The following GPATCH2L variants were observed in gnomAD, a reference collection of about 807,000 sequenced individuals.
GPATCH2L encodes the protein G-patch domain containing 2 like, also known as G patch domain-containing protein 2-like.
Under a neutral mutation model 57.4 loss-of-function variants are expected in GPATCH2L, and 31 were observed. The ratio of observed to expected loss-of-function variants is 0.54; its 90% CI spans 0.41 to 0.73. The LOEUF is 0.73. GPATCH2L is among the 30% of genes least tolerant of loss of function. The pLI is 0.00. For missense variants in GPATCH2L, 481 were observed against 599.9 expected, an observed-to-expected ratio of 0.80 and a Z score of 2.07; for synonymous variants, 199 against 210.7, an observed-to-expected ratio of 0.94 and a Z score of 0.48.
chr14:76,171,092 G>T (rs1594934659), intron 3 of GPATCH2L, among the ~76,000 whole-genome samples: 1 of 152,080 alleles, frequency 6.6e-6, no homozygotes, highest in East Asian at 1.9e-4. Context: ...AAACCAGGTT[G>T]GTGTTCCAGT....
At chr14:76,226,524 C>T in intron 1 of GPATCH2L, among the ~76,000 whole-genome samples, 1 of 152,184 alleles carries the variant, frequency 6.6e-6, no homozygotes, top group East Asian at 1.9e-4. Flanking sequence ...TGTGTTCTTG[C>T]TATATCCTGA....
rs2040147245 is a variant in GPATCH2L at position 76,196,260 on chromosome 14, A to G, written c.1288+288A>G. 2.8e-5 allele frequency: 17 copies of G among 610,446 alleles called. No individual in the cohort carries two copies. The South Asian group carries it at 3.4e-4, about 12-fold the overall frequency. The allele number at this position is 610,446 out of a possible 1,614,324, so 37.8% of individuals were successfully genotyped here. A position where few individuals can be genotyped will look rare whatever the true frequency, so the allele number is the denominator to read the frequency against. ...TTTTAGCAGACAGGAAATTAGGTCCATGTTAATGAAAGTCCAGGTGAAGTG... is the reference window on the plus strand; with the variant it reads ...TTTTAGCAGACAGGAAATTAGGTCCGTGTTAATGAAAGTCCAGGTGAAGTG... On this transcript the variant is annotated intron_variant, in intron 9 of 9. Transcript: ENST00000261530.
chr14:76,231,801 T>G (rs2139880757), intron 2 of GPATCH2L, among the ~76,000 whole-genome samples: 1 of 152,332 alleles, frequency 6.6e-6, no homozygotes, highest in Middle Eastern at 3.4e-3. Flanking sequence ...TCTGTGGATG[T>G]TATTCTACAT....
chr14:76,228,203 T>C (rs535328611), intron 1 of GPATCH2L, among the ~76,000 whole-genome samples: 1 of 152,332 alleles, frequency 6.6e-6, no homozygotes, highest in South Asian at 2.1e-4. Flanking sequence ...AAAGTGGTAT[T>C]GTTTCCTCTT....
downstream of GPATCH2L, among the ~76,000 whole-genome samples, chr14:76,217,845 C>A (rs982493807): frequency 1.3e-5 from 2 of 152,094 alleles, no homozygotes; most frequent in African/African-American, 2.4e-5. Context: ...TTCACAGCAA[C>A]CTAATGAGTA....
rs2038198736 is a variant in GPATCH2L at position 76,154,449 on chromosome 14, C to T, written c.86C>T (p.Ala29Val). 6 of 1,613,994 alleles carry T rather than the reference C, an allele frequency of 3.7e-6. No homozygotes were observed. The highest frequency in any genetic ancestry group is 5.1e-6 in the Non-Finnish European group (6 of 1,180,040). The change falls in exon 2 of 10, where the codon GCG becomes GTG. Residue 29 changes from alanine (A) to valine (V), a missense_variant. Coordinates refer to ENST00000261530, the MANE Select transcript of GPATCH2L (RefSeq NM_017926.4). The surrounding 1 kb of genome is among the most constrained non-coding windows in gnomAD (Gnocchi z 4.4). ...NKLGELWEEMALSPRQQRRQL... is the reference protein window; with the variant it reads ...NKLGELWEEMVLSPRQQRRQL... ...CTTGGTGAACTGTGGGAGGAGATGG[C>T]GCTGAGCCCCCGACAGCAGAGGCGG...
intron 1 of GPATCH2L, among the ~76,000 whole-genome samples, chr14:76,229,523 G>A (rs181183521): frequency 3.9e-5 from 6 of 152,126 alleles, no homozygotes; most frequent in African/African-American, 9.6e-5. Flanking sequence ...TGTTTTTCTC[G>A]CATTAGTCCC....
At chr14:76,184,022 T>TGGG (rs113637385) in intron 8 of GPATCH2L, among the ~76,000 whole-genome samples, 6 of 44,024 alleles carry the variant, frequency 1.4e-4, no homozygotes, top group Non-Finnish European at 2.5e-4. Context: ...ATCATTAGCA[T>TGGG]GGTGTGTGTG....
intron 2 of GPATCH2L, among the ~76,000 whole-genome samples, chr14:76,231,482 C>G (rs1031044043): frequency 6.6e-6 from 1 of 152,094 alleles, no homozygotes; most frequent in African/African-American, 2.4e-5. Flanking sequence ...TCCTTACATT[C>G]CATCTCTCTT....
At chr14:76,171,614 G>T (rs1429862429) in intron 3 of GPATCH2L, among the ~76,000 whole-genome samples, 3 of 151,914 alleles carry the variant, frequency 2.0e-5, no homozygotes, top group Middle Eastern at 3.2e-3. Flanking sequence ...AGGCATAGTG[G>T]CATGAGCCTG....
chr14:76,177,873 A>C, intron 6 of GPATCH2L, 115 bp from the exon 7 acceptor site: 1 of 1,518,660 alleles, frequency 6.6e-7, no homozygotes, highest in South Asian at 1.1e-5. Flanking sequence ...CTTTCCTGTT[A>C]TTCTCTCCCT....
At chr14:76,168,086 A>G (rs1047163915) in intron 3 of GPATCH2L, among the ~76,000 whole-genome samples, 1 of 152,198 alleles carries the variant, frequency 6.6e-6, no homozygotes, top group African/African-American at 2.4e-5. Flanking sequence ...CTTCAGCTTC[A>G]CACATTCTGG....
rs962120080 is a variant in GPATCH2L at position 76,195,973 on chromosome 14, G to C, written c.1288+1G>C. 1.2e-6 allele frequency: 2 copies of C among 1,602,626 alleles called. No homozygotes were observed. Among genetic ancestry groups the C allele is most frequent in the Admixed American group, 3.3e-5 (2 of 59,914 alleles). Reference sequence around the variant, plus strand: ...GCATCTTTGTCTAGCCCCAGTGCAGGTGATTACATGCAGTTATCATTTATT... The same window carrying C: ...GCATCTTTGTCTAGCCCCAGTGCAGCTGATTACATGCAGTTATCATTTATT... On this transcript the variant is annotated splice_donor_variant, in intron 9 of 9. Coordinates refer to ENST00000261530, the MANE Select transcript of GPATCH2L (RefSeq NM_017926.4). LOFTEE classifies it high-confidence loss of function.
At chr14:76,218,198 T>G (rs2040497598), downstream of GPATCH2L, among the ~76,000 whole-genome samples, 1 of 152,150 alleles carries the variant, frequency 6.6e-6, no homozygotes, top group Non-Finnish European at 1.5e-5. Context: ...TTTAAAAATG[T>G]TCTGTAAGAC....
At chr14:76,229,486 T>C (rs2040550914) in intron 1 of GPATCH2L, among the ~76,000 whole-genome samples, 1 of 152,208 alleles carries the variant, frequency 6.6e-6, no homozygotes, top group South Asian at 2.1e-4. Context: ...AGTGTTTTCT[T>C]GTACTTTACC....
chr14:76,176,778 G>A (rs1166482562), intron 6 of GPATCH2L, 88 bp downstream of exon 6: 1 of 829,810 alleles, frequency 1.2e-6, no homozygotes, highest in African/African-American at 1.7e-5. Flanking sequence ...TTAGAAATCA[G>A]GCTTCAGAGT....
chr14:76,177,337 C>T (rs971487057), intron 6 of GPATCH2L, among the ~76,000 whole-genome samples: 1 of 152,126 alleles, frequency 6.6e-6, no homozygotes, highest in South Asian at 2.1e-4. Flanking sequence ...TGAGCCGCTG[C>T]GCCCAACCTG....
chr14:76,153,905 CTG>C (rs1566762982), intron 1 of GPATCH2L: 1 of 154,708 alleles, frequency 6.5e-6, no homozygotes, highest in South Asian at 2.0e-4. Flanking sequence ...ATGTGCTACT[CTG>C]TGTTTCCACA....
At chr14:76,198,346 A>T (rs536219830) in intron 9 of GPATCH2L, among the ~76,000 whole-genome samples, 1 of 152,314 alleles carries the variant, frequency 6.6e-6, no homozygotes, top group Admixed American at 6.5e-5. Flanking sequence ...GAAAGTAGTC[A>T]GAAAAGAAAA....
Sources: allele counts gnomAD v4.1 joint callset (sites outside exome capture counted in the v4.1 genomes callset), GRCh38; gene constraint gnomAD v4.1.1; non-coding constraint Gnocchi (gnomAD v3.1); transcripts MANE v1.5; gene names NCBI Gene and HGNC (gene_info 2026-07-23, HGNC 2026-07-21).